CACNA1C: variants seen among roughly 807,000 people sequenced by gnomAD.
CACNA1C encodes the protein calcium voltage-gated channel subunit alpha1 C.
In CACNA1C, 30 loss-of-function variants were observed where a neutral mutation model predicts 229.0. The observed-to-expected ratio is 0.13, with a 90% CI of 0.10 to 0.18. The LOEUF (loss-of-function observed/expected upper bound fraction) is 0.18. CACNA1C is among the 10% of genes least tolerant of loss of function. The pLI is 1.00. For missense variants in CACNA1C, 1,658 were observed against 2,845.0 expected, an observed-to-expected ratio of 0.58 and a Z score of 9.49; for synonymous variants, 1,114 against 1,132.5, an observed-to-expected ratio of 0.98 and a Z score of 0.33.
chr12:2,438,250 AATGATGGTGATGGTGGTG>A lies in CACNA1C; in HGVS notation c.478-10725_478-10708del, dbSNP rs1567681558. On this transcript the variant is annotated intron_variant, in intron 3 of 46. Transcript: ENST00000399655. ...TTGTGATGGTGGGGATGGTGATGAT[AATGATGGTGATGGTGGTG>A]GTGGTAATGATAGTGGTAATGATGG... Among the ~76,000 whole-genome samples, 514 of 92,736 alleles carry A rather than the reference AATGATGGTGATGGTGGTG, an allele frequency of 5.5e-3. 4 individuals carry two copies. The highest frequency in any genetic ancestry group is 0.021 in the African/African-American group (495 of 23,378). The allele number at this position is 92,736 out of a possible 152,430, so 60.8% of individuals were successfully genotyped here.
At chr12:2,154,471 TAACAAAC>T (rs1031124576) in intron 3 of CACNA1C, among the ~76,000 whole-genome samples, 1 of 152,170 alleles carries the variant, frequency 6.6e-6, no homozygotes, top group African/African-American at 2.4e-5. Flanking sequence ...GGCGCCCACT[TAACAAAC>T]AGGAGCAATG....
rs2090762684 is a variant in CACNA1C at position 2,632,234 on chromosome 12, T to C, written c.3829-2063T>C. Among the ~76,000 whole-genome samples the C allele has an allele frequency of 6.6e-6, 1 of 152,034 alleles. No homozygotes were observed. The highest frequency in any genetic ancestry group is 2.4e-5 in the African/African-American group (1 of 41,376). On this transcript the variant is annotated intron_variant, in intron 29 of 46. Transcript: ENST00000399655. The surrounding 1 kb of genome is among the most constrained non-coding windows in gnomAD (Gnocchi z 4.1). Reference sequence around the variant, plus strand: ...TTTTTTCTTAAAGAAGACAAATCTCTGTAGTACTCGGTCCTTCCCCCTCCA... The same window carrying C: ...TTTTTTCTTAAAGAAGACAAATCTCCGTAGTACTCGGTCCTTCCCCCTCCA...
At chr12:2,023,817 AC>A (rs1169278063) in intron 1 of CACNA1C, among the ~76,000 whole-genome samples, 5 of 152,066 alleles carry the variant, frequency 3.3e-5, no homozygotes, top group Non-Finnish European at 1.5e-5. Flanking sequence ...ATGCATAGCT[AC>A]CCAACACCTT....
In CACNA1C at chr12:2,334,944, C is replaced by T. The variant is rs181265587; in HGVS notation, c.478-114032C>T. Among the ~76,000 whole-genome samples, 829 of 152,270 alleles carry T rather than the reference C, an allele frequency of 5.4e-3. 16 individuals carry two copies. Among genetic ancestry groups the T allele is most frequent in the Non-Finnish European group, 2.0e-3 (137 of 68,022 alleles). On this transcript the variant is annotated intron_variant, in intron 3 of 46. Coordinates refer to ENST00000399655, the MANE Select transcript of CACNA1C (RefSeq NM_000719.7). ...AAATGTCTAAGCTTCATTATCAGAG[C>T]TTCTTGCACGTTCTCTTTAAGCTTT...
intron 5 of CACNA1C, among the ~76,000 whole-genome samples, chr12:2,471,496 A>G (rs1183776609): frequency 1.3e-5 from 2 of 152,308 alleles, no homozygotes; most frequent in East Asian, 3.9e-4. Context: ...TGGCATTTCT[A>G]TAATGTAGGT....
chr12:2,582,987 A>G (rs2061090596), intron 15 of CACNA1C, 45 bp downstream of exon 15: 1 of 1,364,820 alleles, frequency 7.3e-7, no homozygotes, highest in African/African-American at 1.5e-5. Flanking sequence ...CCCAGCCCCC[A>G]GCCTGCAGCA....
chr12:2,478,684 C>G (rs921256164), intron 5 of CACNA1C, among the ~76,000 whole-genome samples: 1 of 152,192 alleles, frequency 6.6e-6, no homozygotes, highest in Non-Finnish European at 1.5e-5. Flanking sequence ...ATCATCCTCT[C>G]TTTAAGATGA....
At chr12:2,233,599 C>T (rs2066160294) in intron 3 of CACNA1C, among the ~76,000 whole-genome samples, 1 of 152,132 alleles carries the variant, frequency 6.6e-6, no homozygotes, top group Admixed American at 6.5e-5. Context: ...ATGAAGATAC[C>T]ATTCCCTGTC....
chr12:2,149,485 T>G (rs1489842309), intron 3 of CACNA1C, among the ~76,000 whole-genome samples: 2 of 152,246 alleles, frequency 1.3e-5, no homozygotes, highest in African/African-American at 4.8e-5. Context: ...AAATCCTGGC[T>G]GTAGGAATGC....
intron 29 of CACNA1C, among the ~76,000 whole-genome samples, chr12:2,616,422 G>A (rs909478011): frequency 7.9e-5 from 12 of 152,168 alleles, no homozygotes; most frequent in African/African-American, 1.7e-4. Flanking sequence ...ACAGTCTCTC[G>A]CCCTGGCCGA....
At chr12:2,439,321 C>T (rs1315594688) in intron 3 of CACNA1C, among the ~76,000 whole-genome samples, 1 of 152,160 alleles carries the variant, frequency 6.6e-6, no homozygotes, top group Non-Finnish European at 1.5e-5. Flanking sequence ...ACGCTGGACA[C>T]CAGGCAAATC....
In CACNA1C at chr12:2,057,463, G is replaced by A. The variant is rs561807922; in HGVS notation, c.49+3852G>A. Among the ~76,000 whole-genome samples, 35 of 152,350 alleles carry A rather than the reference G, an allele frequency of 2.3e-4. 1 individual carries two copies. The South Asian group carries it at 5.4e-3, about 23-fold the overall frequency. ...CCTGGTGATGAAAGGTGTAGGGGGA[G>A]TTTAGAGCTTGTGACCTGTTGGGGC... On this transcript the variant is annotated intron_variant, in intron 1 of 46. Coordinates refer to ENST00000399655, the MANE Select transcript of CACNA1C (RefSeq NM_000719.7).
At chr12:1,990,222 T>C (rs566998471) in intron 1 of CACNA1C, among the ~76,000 whole-genome samples, 1 of 152,352 alleles carries the variant, frequency 6.6e-6, no homozygotes, top group East Asian at 1.9e-4. Flanking sequence ...AGTTATGGGA[T>C]AACCCATATA....
chr12:2,479,205 T>C lies in CACNA1C; in HGVS notation c.758-6899T>C, dbSNP rs1176725250. 6.6e-6 allele frequency among the ~76,000 whole-genome samples: 1 copy of C among 152,022 alleles called. No homozygotes were observed. ...CCTGTTTTTTTTAAGTTTTTAAAAA[T>C]TGTTTTAAATTTTCTTTTTGTTTTT... On this transcript the variant is annotated intron_variant, in intron 5 of 46. Transcript: ENST00000399655. The surrounding 1 kb of genome is among the most constrained non-coding windows in gnomAD (Gnocchi z 4.3).
chr12:2,115,268 G>T lies in CACNA1C; in HGVS notation c.94G>T (p.Ala32Ser). 1 of 1,591,818 alleles carries T rather than the reference G, an allele frequency of 6.3e-7. No homozygotes were observed. Among genetic ancestry groups the T allele is most frequent in the Non-Finnish European group, 8.6e-7 (1 of 1,168,528 alleles). ...SPRPAHANMN[A>S]NAAAGLAPEH... Reference sequence around the variant, plus strand: ...ACGCCCCGCCCATGCCAACATGAATGCCAATGCGGCAGCGGGGCTGGCCCC... The same window carrying T: ...ACGCCCCGCCCATGCCAACATGAATTCCAATGCGGCAGCGGGGCTGGCCCC... Residue 32 changes from alanine (A) to serine (S), a missense_variant, in exon 2 of 47, where the codon GCC (alanine) becomes TCC (serine). Physicochemically the swap from Ala to Ser is moderately conservative, Grantham distance 99. This residue lies in a region of CACNA1C where 111 missense variants were observed against 128.0 expected (regional missense o/e 0.87). Coordinates refer to ENST00000399655, the MANE Select transcript of CACNA1C (RefSeq NM_000719.7).
rs187323669 is a variant in CACNA1C, at chr12:2,667,703, G to A, written c.4623+921G>A. On this transcript the variant is annotated intron_variant, in intron 37 of 46. Transcript: ENST00000399655. Reference sequence around the variant, plus strand: ...TGCGTCCGTTGTGGCCTCCGGACGGGCCTGGGCAGGCTGAAGCCTGGGTGC... The same window carrying A: ...TGCGTCCGTTGTGGCCTCCGGACGGACCTGGGCAGGCTGAAGCCTGGGTGC... Among the ~76,000 whole-genome samples, 88 of 152,304 alleles carry A rather than the reference G, an allele frequency of 5.8e-4. 1 individual carries two copies. The highest frequency in any genetic ancestry group is 3.4e-3 in the Middle Eastern group (1 of 294).
Position 2,633,748 on chromosome 12 carries a change from C to T in CACNA1C, c.3829-549C>T. ...CTCTGCCCTCCCCAGGAAACCTCCTCATTCCTCCTCCTCTGCCTCGTCTAT... is the reference window on the plus strand; with the variant it reads ...CTCTGCCCTCCCCAGGAAACCTCCTTATTCCTCCTCCTCTGCCTCGTCTAT... On this transcript the variant is annotated intron_variant, in intron 29 of 46. Coordinates refer to ENST00000399655, the MANE Select transcript of CACNA1C (RefSeq NM_000719.7). The surrounding 1 kb of genome is among the most constrained non-coding windows in gnomAD (Gnocchi z 5.8). 1 of 1,071,444 alleles carries T rather than the reference C, an allele frequency of 9.3e-7. No homozygotes were observed. Among genetic ancestry groups the T allele is most frequent in the Non-Finnish European group, 1.5e-6 (1 of 686,234 alleles). The allele number at this position is 1,071,444 out of a possible 1,614,324, so 66.4% of individuals were successfully genotyped here.
At chr12:2,551,080 C>T (rs1337994252) in intron 10 of CACNA1C, among the ~76,000 whole-genome samples, 1 of 152,228 alleles carries the variant, frequency 6.6e-6, no homozygotes, top group Non-Finnish European at 1.5e-5. Context: ...ACTTGAGTTT[C>T]TGGAAGTAGG....
In CACNA1C at chr12:2,405,989, C is replaced by A. The variant is rs553278275; in HGVS notation, c.478-42987C>A. Among the ~76,000 whole-genome samples the A allele has an allele frequency of 2.0e-3, 303 of 152,266 alleles. 2 individuals carry two copies. Among genetic ancestry groups the A allele is most frequent in the African/African-American group, 7.0e-3 (290 of 41,560 alleles). On this transcript the variant is annotated intron_variant, in intron 3 of 46. Transcript: ENST00000399655. Reference sequence around the variant, plus strand: ...TAGTTTTCTTTCATCTGTGAAAATACCTTTATTTCCCCTTCATTTGTGAAG... The same window carrying A: ...TAGTTTTCTTTCATCTGTGAAAATAACTTTATTTCCCCTTCATTTGTGAAG...
Sources: gnomAD v4.1 joint callset for allele counts (sites outside exome capture counted in the v4.1 genomes callset) on GRCh38, gnomAD v4.1.1 for gene constraint, gnomAD v4.1.1 regional missense constraint, Gnocchi (gnomAD v3.1) non-coding constraint, MANE v1.5 for transcripts, NCBI Gene and HGNC (gene_info 2026-07-23, HGNC 2026-07-21) for gene names.